Variants in ST6GAL1 observed in about 807,000 individuals in gnomAD.
The protein encoded by ST6GAL1 is beta-galactoside alpha-2,6-sialyltransferase 1.
Under a neutral mutation model 38.0 loss-of-function variants are expected in ST6GAL1, and 20 were observed. The observed-to-expected ratio is 0.53, with a 90% CI of 0.37 to 0.77. The LOEUF (loss-of-function observed/expected upper bound fraction) is 0.77, where lower values mean the gene tolerates loss of function less well. Among genes scored for constraint, ST6GAL1 ranks in the 30% least tolerant of loss-of-function variants. The pLI is 0.00. For synonymous variants in ST6GAL1, 196 were observed against 188.2 expected (o/e 1.04, Z -0.34); for missense variants, 432 against 496.4 (o/e 0.87, Z 1.23).
At chr3:187,048,880 ATTTTTTTTT>A (rs374148828) in intron 4 of ST6GAL1, among the ~76,000 whole-genome samples, 21,623 of 115,262 alleles carry the variant, frequency 0.19, 1,831 homozygotes, top group Admixed American at 0.22. Flanking sequence ...GAGAAATTGA[ATTTTTTTTT>A]TTTTTTTTTT....
At chr3:186,964,788 G>A (rs1363716861) in intron 2 of ST6GAL1, among the ~76,000 whole-genome samples, 1 of 152,144 alleles carries the variant, frequency 6.6e-6, no homozygotes, top group Non-Finnish European at 1.5e-5. Flanking sequence ...TGGAAATTCC[G>A]ATTAGATAAG....
intron 2 of ST6GAL1, among the ~76,000 whole-genome samples, chr3:186,967,045 A>G (rs1322449916): frequency 2.0e-5 from 3 of 152,218 alleles, no homozygotes; most frequent in East Asian, 1.9e-4. Flanking sequence ...AGGAGCTTCC[A>G]TACTTCAAGG....
chr3:187,003,157 GA>G (rs1208183617), intron 2 of ST6GAL1, among the ~76,000 whole-genome samples: 10 of 148,866 alleles, frequency 6.7e-5, no homozygotes, highest in East Asian at 4.0e-4. Flanking sequence ...AAGGCAGGGG[GA>G]AAAAAACCCC....
chr3:186,931,272 G>C (rs554456963), intron 1 of ST6GAL1: 3 of 145,302 alleles, frequency 2.1e-5, no homozygotes, highest in African/African-American at 7.6e-5. Flanking sequence ...TGCCCGGAGA[G>C]CTGGACGCAC....
intron 2 of ST6GAL1, among the ~76,000 whole-genome samples, chr3:186,996,136 G>C (rs4686450): frequency 0.31 from 47,087 of 152,080 alleles, 8,155 homozygotes; most frequent in East Asian, 0.46. Flanking sequence ...TCTATTTGAA[G>C]GACCAGTATA....
chr3:187,063,812 T>A lies in ST6GAL1; in HGVS notation c.706-9037T>A, dbSNP rs148662267. 2.6e-5 allele frequency among the ~76,000 whole-genome samples: 4 copies of A among 152,328 alleles called. No homozygotes were observed. The East Asian group carries it at 7.7e-4, about 29-fold the overall frequency. Reference sequence around the variant, plus strand: ...TTTGATCAGATCCCTCCCCCAACACTTCCTGTGTGAGTGACTTCAGCAAGT... The same window carrying A: ...TTTGATCAGATCCCTCCCCCAACACATCCTGTGTGAGTGACTTCAGCAAGT... On this transcript the variant is annotated intron_variant, in intron 5 of 7. Coordinates refer to ENST00000169298, the MANE Select transcript of ST6GAL1 (RefSeq NM_173216.2).
rs538024357 is a variant in ST6GAL1 at position 187,067,145 on chromosome 3, G to A, written c.706-5704G>A. ...TCTGTCACCCAGGCTGGAGTGCAGTGGTGCGATCTTGGCTCACTGCAACCT... is the reference window on the plus strand; with the variant it reads ...TCTGTCACCCAGGCTGGAGTGCAGTAGTGCGATCTTGGCTCACTGCAACCT... On this transcript the variant is annotated intron_variant, in intron 5 of 7. Coordinates refer to ENST00000169298, the MANE Select transcript of ST6GAL1 (RefSeq NM_173216.2). Among the ~76,000 whole-genome samples, 37 of 134,980 alleles carry A rather than the reference G, an allele frequency of 2.7e-4. 1 individual carries two copies. In the South Asian group the frequency reaches 8.5e-3, roughly 31 times the overall value. 88.6% of individuals were successfully genotyped at this position (134,980 alleles called of 152,430 possible). A position where few individuals can be genotyped will look rare whatever the true frequency, so the allele number is the denominator to read the frequency against.
intron 2 of ST6GAL1, among the ~76,000 whole-genome samples, chr3:186,966,159 C>T (rs1245443665): frequency 6.6e-6 from 1 of 152,166 alleles, no homozygotes; most frequent in Non-Finnish European, 1.5e-5. Flanking sequence ...CTAGGCCTCC[C>T]AACGTGCTGG....
rs551373781 is a variant in ST6GAL1, at chr3:187,002,661, T to C, written c.-182-36081T>C. The stretch of plus-strand genomic sequence containing the variant: ...TTAGGATTTGGGGTGAGGAAAGTTG[T>C]GTGATTTGTCTGTTTCTGTTTCTGG... On this transcript the variant is annotated intron_variant, in intron 2 of 7. Transcript: ENST00000169298. 3.9e-5 allele frequency among the ~76,000 whole-genome samples: 6 copies of C among 152,352 alleles called. No individual in the cohort carries two copies. The South Asian group carries it at 1.2e-3, about 32-fold the overall frequency.
At chr3:186,954,482 C>T (rs1714682580) in intron 1 of ST6GAL1, among the ~76,000 whole-genome samples, 2 of 152,202 alleles carry the variant, frequency 1.3e-5, no homozygotes, top group South Asian at 4.1e-4. Flanking sequence ...TTCATAGCCT[C>T]ACCAACATCT....
chr3:187,004,172 C>G (rs1716708575), intron 2 of ST6GAL1, among the ~76,000 whole-genome samples: 1 of 152,252 alleles, frequency 6.6e-6, no homozygotes, highest in Non-Finnish European at 1.5e-5. Flanking sequence ...TCTGCTTCAC[C>G]TTCCACCATA....
chr3:187,058,632 TTTATTATTA>T (rs140207844), intron 5 of ST6GAL1, among the ~76,000 whole-genome samples: 2 of 149,748 alleles, frequency 1.3e-5, no homozygotes, highest in African/African-American at 2.5e-5. Context: ...TGGTATTACT[TTTATTATTA>T]TTATTATTAT....
At chr3:186,956,084 C>G (rs1445289409) in intron 1 of ST6GAL1, among the ~76,000 whole-genome samples, 1 of 152,100 alleles carries the variant, frequency 6.6e-6, no homozygotes, top group Non-Finnish European at 1.5e-5. Flanking sequence ...GATCGTCTCT[C>G]TGTGGAGCCT....
rs531279372 is a variant in ST6GAL1 at position 186,952,076 on chromosome 3, G to A, written c.-324-11709G>A. Among the ~76,000 whole-genome samples the A allele has an allele frequency of 1.3e-5, 2 of 152,298 alleles. No individual in the cohort carries two copies. Among genetic ancestry groups the A allele is most frequent in the East Asian group, 1.9e-4 (1 of 5,190 alleles). ...GTTTATTTGGCTCATGATTCTGCAG[G>A]CTGTACAGGCATGGCACCCACATCA... is the stretch of plus-strand genomic sequence containing the variant. On this transcript the variant is annotated intron_variant, in intron 1 of 7. Coordinates refer to ENST00000169298, the MANE Select transcript of ST6GAL1 (RefSeq NM_173216.2). This position sits in a 1 kb window ranked among gnomAD's most constrained non-coding sequence, Gnocchi z 4.1.
At chr3:187,008,487 A>T (rs939941612) in intron 2 of ST6GAL1, among the ~76,000 whole-genome samples, 2 of 151,522 alleles carry the variant, frequency 1.3e-5, no homozygotes, top group Non-Finnish European at 2.9e-5. Flanking sequence ...ATGCTGGAAG[A>T]ACAAAAAAAC....
intron 5 of ST6GAL1, among the ~76,000 whole-genome samples, chr3:187,065,362 G>C (rs1160566889): frequency 6.6e-6 from 1 of 152,120 alleles, no homozygotes; most frequent in Admixed American, 6.6e-5. Context: ...CCTTGGCCAT[G>C]ATGAAGGCAT....
chr3:187,053,984 G>A (rs1718603073), intron 5 of ST6GAL1, among the ~76,000 whole-genome samples: 1 of 152,022 alleles, frequency 6.6e-6, no homozygotes, highest in South Asian at 2.1e-4. Context: ...TTGAGCAGTG[G>A]TTTGTAGTTC....
chr3:186,951,365 T>C (rs1388682223), intron 1 of ST6GAL1, among the ~76,000 whole-genome samples: 2 of 152,224 alleles, frequency 1.3e-5, no homozygotes, highest in African/African-American at 4.8e-5. Flanking sequence ...CCGTAATTCT[T>C]GGCCATGACT....
intron 2 of ST6GAL1, among the ~76,000 whole-genome samples, chr3:186,965,446 A>G (rs999553108): frequency 1.3e-5 from 2 of 152,156 alleles, no homozygotes. Flanking sequence ...CTGCTTCCTG[A>G]ATCTCTTCCT....
Sources: allele counts gnomAD v4.1 joint callset (sites outside exome capture counted in the v4.1 genomes callset), GRCh38; gene constraint gnomAD v4.1.1; non-coding constraint Gnocchi (gnomAD v3.1); transcripts MANE v1.5; gene names NCBI Gene and HGNC (gene_info 2026-07-23, HGNC 2026-07-21).